ARFGAP1: variants seen among roughly 807,000 people sequenced by gnomAD.
ARFGAP1 encodes ARF GTPase activating protein 1.
In ARFGAP1, 26 loss-of-function variants were observed where a neutral mutation model predicts 54.0. That is an observed-to-expected ratio of 0.48 (90% confidence interval 0.35 to 0.67). ARFGAP1 has a LOEUF of 0.67. ARFGAP1 is among the 30% of genes least tolerant of loss of function. The probability of loss-of-function intolerance (pLI) is 0.00; values close to 1 mark genes in which losing one functional copy is unlikely to be tolerated. For synonymous variants in ARFGAP1, 248 were observed against 211.9 expected (o/e 1.17, Z -1.48); for missense variants, 525 against 535.8 (o/e 0.98, Z 0.20).
At chr20:63,278,836 A>G in intron 6 of ARFGAP1, 63 bp from the exon 7 acceptor site, 1 of 1,554,696 alleles carries the variant, frequency 6.4e-7, no homozygotes, top group Admixed American at 1.7e-5. Flanking sequence ...TCAGGGCCCC[A>G]CGCCCTCGGG....
chr20:63,282,970 G>C (rs2067425930), intron 9 of ARFGAP1, 119 bp downstream of exon 9: 1 of 1,131,138 alleles, frequency 8.8e-7, no homozygotes, highest in Admixed American at 1.8e-5. Flanking sequence ...CAGAGCTGAG[G>C]GGTCCCAGCG....
rs1003639582 is a variant in ARFGAP1, at chr20:63,289,272, A to G, written c.*1399A>G. ...AAGCCACCGGGAAAGCAGCCAGCAC[A>G]AAGGGCCCAGGAAGCCAGCCCCCGA... On this transcript the variant is annotated 3_prime_UTR_variant, in exon 13 of 13. Transcript: ENST00000370283. 2.0e-5 allele frequency: 3 copies of G among 152,276 alleles called. No homozygotes were observed. The highest frequency in any genetic ancestry group is 2.0e-4 in the Admixed American group (3 of 15,284). The allele number at this position is 152,276 out of a possible 1,614,324, so 9.4% of individuals were successfully genotyped here.
intron 2 of ARFGAP1, 75 bp downstream of exon 2, chr20:63,275,715 C>T (rs2067219430): frequency 4.1e-6 from 6 of 1,446,206 alleles, no homozygotes; most frequent in East Asian, 2.3e-5. Context: ...GTACTCTGAG[C>T]CTGTAGTTCT....
At chr20:63,285,069 T>C (rs2067493098) in intron 10 of ARFGAP1, 147 bp downstream of exon 10, 4 of 994,004 alleles carry the variant, frequency 4.0e-6, no homozygotes, top group Non-Finnish European at 6.0e-6. Context: ...ACAGGCGTCC[T>C]CCTCGGGGCC....
Position 63,289,621 on chromosome 20 carries a change from G to A in ARFGAP1, c.*1748G>A, listed in dbSNP as rs1199898922. 1 of 152,282 alleles carries A rather than the reference G, an allele frequency of 6.6e-6. No individual in the cohort carries two copies. Among genetic ancestry groups the A allele is most frequent in the Non-Finnish European group, 1.5e-5 (1 of 68,082 alleles). The allele number at this position is 152,282 out of a possible 1,614,324, so 9.4% of individuals were successfully genotyped here. ...GAGGTGTCTGGGCCACCTTCAGAAG[G>A]TGGATGTGGTGGCCGAGACCCCGTC... On this transcript the variant is annotated 3_prime_UTR_variant, in exon 13 of 13. Coordinates refer to ENST00000370283, the MANE Select transcript of ARFGAP1 (RefSeq NM_018209.4).
chr20:63,288,182 T>A lies in ARFGAP1; in HGVS notation c.*309T>A. On this transcript the variant is annotated 3_prime_UTR_variant, in exon 13 of 13. Coordinates refer to ENST00000370283, the MANE Select transcript of ARFGAP1 (RefSeq NM_018209.4). Reference sequence around the variant, plus strand: ...GGAGGTGGGCTGCAGCACAGAGGCCTGTGACTGCGTTCCAGCGGCCAGTTC... The same window carrying A: ...GGAGGTGGGCTGCAGCACAGAGGCCAGTGACTGCGTTCCAGCGGCCAGTTC... 1 of 578,384 alleles carries A rather than the reference T, an allele frequency of 1.7e-6. No individual in the cohort carries two copies. Among genetic ancestry groups the A allele is most frequent in the Non-Finnish European group, 3.2e-6 (1 of 309,840 alleles). 35.8% of individuals were successfully genotyped at this position (578,384 alleles called of 1,614,324 possible).
At chr20:63,275,484 TTC>T in intron 1 of ARFGAP1, 91 bp from the exon 2 acceptor site, 6 of 1,255,358 alleles carry the variant, frequency 4.8e-6, no homozygotes, top group Non-Finnish European at 6.8e-6. Flanking sequence ...CCCTCAGGTT[TTC>T]TGTTGTGTGG....
At position 63,288,059 on chromosome 20, in the gene ARFGAP1, T is replaced by G; in HGVS notation, c.*186T>G. ...CTGCGCGTGGGGAGTCTTCGGTGCG[T>G]GGGGGCGGCTTGCTGTCCAGCCTGT... On this transcript the variant is annotated 3_prime_UTR_variant, in exon 13 of 13. Transcript: ENST00000370283. 1.4e-6 allele frequency: 1 copy of G among 703,064 alleles called. No homozygotes were observed. Among genetic ancestry groups the G allele is most frequent in the Non-Finnish European group, 2.3e-6 (1 of 430,706 alleles). 43.6% of individuals were successfully genotyped at this position (703,064 alleles called of 1,614,324 possible). A position where few individuals can be genotyped will look rare whatever the true frequency, so the allele number is the denominator to read the frequency against.
intron 7 of ARFGAP1, chr20:63,279,243 G>A (rs1443990297): frequency 3.4e-6 from 2 of 582,696 alleles, no homozygotes; most frequent in African/African-American, 3.7e-5. Flanking sequence ...TTGTCGCCCA[G>A]GCTGCAGACT....
In ARFGAP1 at chr20:63,276,632, C is replaced by T. The variant is rs374541250; in HGVS notation, c.323C>T (p.Ala108Val). The T allele has an allele frequency of 7.4e-6, 12 of 1,611,586 alleles. No individual in the cohort carries two copies. Among genetic ancestry groups the T allele is most frequent in the East Asian group, 2.2e-5 (1 of 44,870 alleles). ...CAGGAGAAGTACAACAGCAGAGCCG[C>T]GGCCCTCTTTAGGGATAAGGTAGAG... ...SLQEKYNSRAAALFRDKVVAL... is the reference protein window; with the variant it reads ...SLQEKYNSRAVALFRDKVVAL... Residue 108 changes from alanine (A) to valine (V), a missense_variant, in exon 4 of 13, where the codon GCG becomes GTG. By Grantham distance (64) the Ala-to-Val change is moderately conservative. Around this residue, in one of 3 missense-constraint regions of ARFGAP1, gnomAD observed 466 missense variants for 453.6 expected, o/e 1.03. Transcript: ENST00000370283. This position sits in a 1 kb window ranked among gnomAD's most constrained non-coding sequence, Gnocchi z 5.2.
chr20:63,279,378 G>T, intron 7 of ARFGAP1: 1 of 356,454 alleles, frequency 2.8e-6, no homozygotes, highest in Non-Finnish European at 5.4e-6. Flanking sequence ...GCTAATTTTT[G>T]TATTTTTAGT....
Position 63,288,034 on chromosome 20 carries a change from C to A in ARFGAP1, c.*161C>A. ...CTAGGGAGACCCGGGTGTGCGCCGC[C>A]TGCGCGTGGGGAGTCTTCGGTGCGT... is the stretch of plus-strand genomic sequence containing the variant. On this transcript the variant is annotated 3_prime_UTR_variant, in exon 13 of 13. Coordinates refer to ENST00000370283, the MANE Select transcript of ARFGAP1 (RefSeq NM_018209.4). The A allele has an allele frequency of 1.1e-6, 1 of 881,322 alleles. No homozygotes were observed. The highest frequency in any genetic ancestry group is 1.7e-6 in the Non-Finnish European group (1 of 593,242). 54.6% of individuals were successfully genotyped at this position (881,322 alleles called of 1,614,324 possible).
In ARFGAP1 at chr20:63,289,506, C is replaced by G. The variant is rs968443029; in HGVS notation, c.*1633C>G. 6.6e-6 allele frequency: 1 copy of G among 152,396 alleles called. No individual in the cohort carries two copies. Among genetic ancestry groups the G allele is most frequent in the Admixed American group, 6.5e-5 (1 of 15,290 alleles). 9.4% of individuals were successfully genotyped at this position (152,396 alleles called of 1,614,324 possible). A position where few individuals can be genotyped will look rare whatever the true frequency, so the allele number is the denominator to read the frequency against. Reference sequence around the variant, plus strand: ...GCAGCATGGAGCCAAGGTCTGTCCCCGCCCAGGAGGGTGCCTTCCTCGGGG... The same window carrying G: ...GCAGCATGGAGCCAAGGTCTGTCCCGGCCCAGGAGGGTGCCTTCCTCGGGG... On this transcript the variant is annotated 3_prime_UTR_variant, in exon 13 of 13. Coordinates refer to ENST00000370283, the MANE Select transcript of ARFGAP1 (RefSeq NM_018209.4).
At chr20:63,284,576 ACCAGC>A (rs1189393823) in intron 9 of ARFGAP1, 5 of 1,289,454 alleles carry the variant, frequency 3.9e-6, no homozygotes, top group Middle Eastern at 2.1e-4. Flanking sequence ...GCCTGTTCCC[ACCAGC>A]CCGGCCCGGC....
intron 7 of ARFGAP1, among the ~76,000 whole-genome samples, chr20:63,281,076 G>A (rs1162700431): frequency 6.6e-6 from 1 of 152,194 alleles, no homozygotes; most frequent in Non-Finnish European, 1.5e-5. Context: ...GAGCACTGCA[G>A]TTGGCGAGGT....
At chr20:63,278,532 G>T in intron 6 of ARFGAP1, 1 of 460,600 alleles carries the variant, frequency 2.2e-6, no homozygotes, top group South Asian at 2.4e-5. Flanking sequence ...GGGGTCTTGG[G>T]TGTAGAGAAG....
rs762905409 is a variant in ARFGAP1 at position 63,287,720 on chromosome 20, C to A, written c.1068C>A (p.Thr356=). The part of the protein sequence containing the change: ...SDSWTCADTS[T]ERRSSDSWEV... ...GCTGGACGTGCGCGGACACCTCCAC[C>A]GAGAGGAGGAGCTCGGACAGCTGGG... is the stretch of plus-strand genomic sequence containing the variant. The change falls in exon 13 of 13, where the codon ACC becomes ACA. Residue 356 remains threonine (T), a synonymous_variant. Coordinates refer to ENST00000370283, the MANE Select transcript of ARFGAP1 (RefSeq NM_018209.4). The A allele has an allele frequency of 6.2e-6, 10 of 1,611,662 alleles. No homozygotes were observed. The African/African-American group carries it at 1.2e-4, about 19-fold the overall frequency.
At chr20:63,279,715 G>T (rs1419099547) in intron 7 of ARFGAP1, among the ~76,000 whole-genome samples, 2 of 152,152 alleles carry the variant, frequency 1.3e-5, no homozygotes, top group African/African-American at 4.8e-5. Context: ...GGCCATTTCT[G>T]GTCTGGGGAT....
At position 63,285,713 on chromosome 20, in the gene ARFGAP1, G is replaced by A. The variant is rs145809975; in HGVS notation, c.834G>A (p.Lys278=). 2.5e-6 allele frequency: 4 copies of A among 1,613,304 alleles called. No homozygotes were observed. In the African/African-American group the frequency reaches 4.0e-5, roughly 16 times the overall value. The change falls in exon 11 of 13, where the codon AAG becomes AAA. Residue 278 remains lysine, a splice_region_variant and synonymous_variant. Transcript: ENST00000370283. Reference sequence around the variant, plus strand: ...GTGGGGTCTCTCAGTTGGCGTCCAAGGTAGGGAGCCTGCCAGATACGCGGG... The same window carrying A: ...GTGGGGTCTCTCAGTTGGCGTCCAAAGTAGGGAGCCTGCCAGATACGCGGG... The part of the protein sequence containing the change: ...VSSGVSQLAS[K]VQGVGSKGWR...
Sources: allele counts gnomAD v4.1 joint callset (sites outside exome capture counted in the v4.1 genomes callset), GRCh38; gene constraint gnomAD v4.1.1; regional missense constraint gnomAD v4.1.1; non-coding constraint Gnocchi (gnomAD v3.1); transcripts MANE v1.5; gene names NCBI Gene and HGNC (gene_info 2026-07-23, HGNC 2026-07-21).